BCAS4: variants seen among roughly 807,000 people sequenced by gnomAD.
BCAS4 encodes the protein breast carcinoma-amplified sequence 4.
In BCAS4, 9 loss-of-function variants were observed where a neutral mutation model predicts 15.7. The observed-to-expected ratio is 0.57, with a 90% CI of 0.34 to 1.00. The LOEUF (loss-of-function observed/expected upper bound fraction) is 1.00, where lower values mean the gene tolerates loss of function less well. Ranked by LOEUF, BCAS4 falls within the 50% of genes least tolerant of loss-of-function variation. The pLI is 0.02. For missense variants in BCAS4, 225 were observed against 239.1 expected (o/e 0.94, Z 0.39); for synonymous variants, 101 against 99.5 (o/e 1.02, Z -0.09).
intron 4 of BCAS4, among the ~76,000 whole-genome samples, chr20:50,862,646 G>A (rs1979144768): frequency 1.3e-5 from 2 of 152,162 alleles, no homozygotes; most frequent in Non-Finnish European, 2.9e-5. Context: ...GAATGGGGGA[G>A]AAGGGGCACA....
rs1978435538 is a variant in BCAS4, at chr20:50,851,727, T to C, written c.399+9827T>C. 6.6e-6 allele frequency among the ~76,000 whole-genome samples: 1 copy of C among 152,082 alleles called. No individual in the cohort carries two copies. On this transcript the variant is annotated intron_variant, in intron 4 of 4. Transcript: ENST00000371608. The surrounding 1 kb of genome is among the most constrained non-coding windows in gnomAD (Gnocchi z 4.3). ...GGGTTGTTGGACATTGTTTGCGGCC[T>C]TTGCACATGCCGGTTCCCCTCCCTG... is the stretch of plus-strand genomic sequence containing the variant.
chr20:50,866,876 C>T (rs1979383436), intron 4 of BCAS4, among the ~76,000 whole-genome samples: 1 of 152,122 alleles, frequency 6.6e-6, no homozygotes, highest in South Asian at 2.1e-4. Context: ...ATGGAGGTTC[C>T]CTGCCTCTCT....
intron 4 of BCAS4, among the ~76,000 whole-genome samples, chr20:50,868,260 C>T (rs1207740405): frequency 2.0e-5 from 3 of 152,198 alleles, no homozygotes; most frequent in Admixed American, 2.0e-4. Flanking sequence ...ACTTTCCATA[C>T]CCTGCTCTTT....
intron 2 of BCAS4, among the ~76,000 whole-genome samples, chr20:50,820,594 C>T (rs994425105): frequency 2.0e-5 from 3 of 152,096 alleles, no homozygotes; most frequent in African/African-American, 7.2e-5. Flanking sequence ...TTTTCAAATC[C>T]CATCCCGTCA....
chr20:50,850,951 T>TG (rs1292049385), intron 4 of BCAS4, among the ~76,000 whole-genome samples: 1 of 152,170 alleles, frequency 6.6e-6, no homozygotes. Context: ...TGGGCGGAGC[T>TG]GCCCTGCCCG....
chr20:50,796,487 ATTTTTTT>A (rs34988437), intron 1 of BCAS4, among the ~76,000 whole-genome samples: 2 of 6,770 alleles, frequency 3.0e-4, no homozygotes, highest in African/African-American at 4.9e-4. Flanking sequence ...ATATATATAT[ATTTTTTT>A]TTTTTTTTTT....
At chr20:50,860,128 C>T (rs1199421729) in intron 4 of BCAS4, among the ~76,000 whole-genome samples, 2 of 152,116 alleles carry the variant, frequency 1.3e-5, no homozygotes, top group African/African-American at 4.8e-5. Context: ...AGAGTGAGAT[C>T]CTGCCTGGAA....
intron 2 of BCAS4, among the ~76,000 whole-genome samples, chr20:50,826,804 A>G (rs1489521727): frequency 6.6e-6 from 1 of 152,104 alleles, no homozygotes; most frequent in Admixed American, 6.6e-5. Flanking sequence ...CCCTGTCTCT[A>G]CAAAAGATAA....
intron 4 of BCAS4, among the ~76,000 whole-genome samples, chr20:50,854,190 G>A (rs908792566): frequency 8.5e-5 from 13 of 152,108 alleles, no homozygotes; most frequent in Non-Finnish European, 1.9e-4. Flanking sequence ...AAACAGTCCC[G>A]GGTTTTGTAT....
At chr20:50,846,500 T>C (rs2088545374) in intron 4 of BCAS4, among the ~76,000 whole-genome samples, 1 of 152,116 alleles carries the variant, frequency 6.6e-6, no homozygotes, top group African/African-American at 2.4e-5. Context: ...CTTAACGTTA[T>C]TTTGAATTGT....
intron 4 of BCAS4, among the ~76,000 whole-genome samples, chr20:50,874,255 G>A (rs994674319): frequency 6.6e-6 from 1 of 152,106 alleles, no homozygotes; most frequent in African/African-American, 2.4e-5. Context: ...CTTCCTCCCT[G>A]TCTACGCGCT....
chr20:50,868,120 C>A (rs1296543500), intron 4 of BCAS4, among the ~76,000 whole-genome samples: 1 of 152,104 alleles, frequency 6.6e-6, no homozygotes, highest in East Asian at 1.9e-4. Context: ...GGAGGAAGAC[C>A]GCAGAGGTAA....
Position 50,818,202 on chromosome 20 carries a change from C to G in BCAS4, c.91-9C>G. 6.2e-7 allele frequency: 1 copy of G among 1,613,384 alleles called. No homozygotes were observed. The highest frequency in any genetic ancestry group is 1.3e-5 in the African/African-American group (1 of 74,872). ...CTTGCTAATCTCCAGGATATCGTCT[C>G]TTTTTCAGGCGAAGGAGGTGGAGGA... is the stretch of plus-strand genomic sequence containing the variant. On this transcript the variant is annotated splice_polypyrimidine_tract_variant and intron_variant, in intron 1 of 4. Transcript: ENST00000371608.
chr20:50,801,447 G>A (rs920851704), intron 1 of BCAS4, among the ~76,000 whole-genome samples: 6 of 151,978 alleles, frequency 3.9e-5, no homozygotes, highest in Non-Finnish European at 8.8e-5. Flanking sequence ...AAACAAAAAA[G>A]TCTCTTAGGG....
At chr20:50,863,898 T>C (rs533252950) in intron 4 of BCAS4, among the ~76,000 whole-genome samples, 127 of 94,630 alleles carry the variant, frequency 1.3e-3, no homozygotes, top group African/African-American at 0.01. Flanking sequence ...TGCTGCTCTG[T>C]CCTGCAAGTG....
At chr20:50,856,253 C>A (rs1160334611) in intron 4 of BCAS4, among the ~76,000 whole-genome samples, 3 of 152,190 alleles carry the variant, frequency 2.0e-5, no homozygotes, top group African/African-American at 7.2e-5. Flanking sequence ...GCCCACGGAG[C>A]CTGGGAAGTA....
chr20:50,866,605 C>T (rs1054807546), intron 4 of BCAS4, among the ~76,000 whole-genome samples: 10 of 152,222 alleles, frequency 6.6e-5, no homozygotes, highest in Non-Finnish European at 1.2e-4. Context: ...AAAGGTGACC[C>T]GTTTGTGCTC....
intron 1 of BCAS4, among the ~76,000 whole-genome samples, chr20:50,809,083 A>AT (rs929193520): frequency 3.3e-5 from 5 of 152,178 alleles, no homozygotes; most frequent in African/African-American, 1.2e-4. Flanking sequence ...CATTTGTTGA[A>AT]TAGGGTGTCC....
chr20:50,819,671 T>A (rs956068779), intron 2 of BCAS4, among the ~76,000 whole-genome samples: 1 of 151,926 alleles, frequency 6.6e-6, no homozygotes, highest in Non-Finnish European at 1.5e-5. Context: ...TTGAGTCAAT[T>A]TTTACGTTCA....
Sources: gnomAD v4.1 joint callset for allele counts (sites outside exome capture counted in the v4.1 genomes callset) on GRCh38, gnomAD v4.1.1 for gene constraint, Gnocchi (gnomAD v3.1) non-coding constraint, MANE v1.5 for transcripts, NCBI Gene and HGNC (gene_info 2026-07-23, HGNC 2026-07-21) for gene names.